The following GPSM1 variants were observed in gnomAD, a reference collection of about 807,000 sequenced individuals.
GPSM1 encodes the protein G protein-signaling modulator 1.
Under a neutral mutation model 70.5 loss-of-function variants are expected in GPSM1, and 48 were observed. The observed-to-expected ratio is 0.68, with a 90% CI of 0.54 to 0.87. The LOEUF (loss-of-function observed/expected upper bound fraction) is 0.87. GPSM1 is among the 40% of genes least tolerant of loss of function. GPSM1 has a pLI of 0.00. For synonymous variants in GPSM1, 416 were observed against 430.1 expected (o/e 0.97, Z 0.41); for missense variants, 981 against 972.6 (o/e 1.01, Z -0.11).
chr9:136,350,622 G>A (rs1271319601), intron 11 of GPSM1, among the ~76,000 whole-genome samples: 1 of 152,176 alleles, frequency 6.6e-6, no homozygotes, highest in African/African-American at 2.4e-5. Flanking sequence ...GGACAGCAAG[G>A]GGCTAGGTCC....
intron 9 of GPSM1, among the ~76,000 whole-genome samples, chr9:136,346,869 C>T (rs1409760875): frequency 3.3e-5 from 5 of 152,184 alleles, no homozygotes; most frequent in East Asian, 3.9e-4. Flanking sequence ...AGTGACTGCC[C>T]GCCTGAGCCG....
chr9:136,336,152 G>A lies in GPSM1; in HGVS notation c.426+51G>A, dbSNP rs149145691. 3.7e-3 allele frequency: 5,868 copies of A among 1,585,406 alleles called. 35 individuals carry two copies. Among genetic ancestry groups the A allele is most frequent in the Middle Eastern group, 0.023 (136 of 5,844 alleles). On this transcript the variant is annotated intron_variant, in intron 3 of 13. Coordinates refer to ENST00000440944, the MANE Select transcript of GPSM1 (RefSeq NM_001145638.3). ...GTCTCCCACCCCTGCACCGGCCTGCGTCCAGATCCGGGATAGGGGCGGGCG... is the reference window on the plus strand; with the variant it reads ...GTCTCCCACCCCTGCACCGGCCTGCATCCAGATCCGGGATAGGGGCGGGCG...
At chr9:136,352,732 C>T (rs1554772349) in intron 11 of GPSM1, among the ~76,000 whole-genome samples, 1 of 152,242 alleles carries the variant, frequency 6.6e-6, no homozygotes, top group African/African-American at 2.4e-5. Flanking sequence ...TGGCTTTCCC[C>T]ACCTGGCCCA....
At position 136,342,311 on chromosome 9, in the gene GPSM1, C is replaced by T. The variant is rs28507319; in HGVS notation, c.1207+1318C>T. On this transcript the variant is annotated intron_variant, in intron 9 of 13. Transcript: ENST00000440944. The surrounding 1 kb of genome is among the most constrained non-coding windows in gnomAD (Gnocchi z 5.5). ...CAACTGGCAGCAGGGCTGGGAGCAGCTCTGGAAAGGCTCCGCGGAGGCTGC... is the reference window on the plus strand; with the variant it reads ...CAACTGGCAGCAGGGCTGGGAGCAGTTCTGGAAAGGCTCCGCGGAGGCTGC... 0.13 allele frequency among the ~76,000 whole-genome samples: 20,514 copies of T among 152,072 alleles called. 1,471 individuals carry two copies. The highest frequency in any genetic ancestry group is 0.27 in the East Asian group (1,376 of 5,162).
At chr9:136,334,111 A>C (rs1004189662) in intron 1 of GPSM1, among the ~76,000 whole-genome samples, 1 of 152,168 alleles carries the variant, frequency 6.6e-6, no homozygotes, top group Admixed American at 6.5e-5. Flanking sequence ...GGGTGAAGGC[A>C]GGGTATGGGG....
intron 13 of GPSM1, 113 bp from the exon 14 acceptor site, chr9:136,357,901 C>T: frequency 1.3e-6 from 1 of 764,448 alleles, no homozygotes; most frequent in Non-Finnish European, 2.1e-6. Context: ...CCTGGGTGGA[C>T]AGGGGGAAGC....
chr9:136,335,400 G>C (rs76756452), intron 2 of GPSM1, among the ~76,000 whole-genome samples: 1 of 152,122 alleles, frequency 6.6e-6, no homozygotes, highest in Non-Finnish European at 1.5e-5. Flanking sequence ...CGTGCCTCAC[G>C]GGAGCACGCT....
intron 11 of GPSM1, among the ~76,000 whole-genome samples, chr9:136,354,582 G>A (rs991243790): frequency 5.9e-5 from 9 of 152,248 alleles, no homozygotes; most frequent in Non-Finnish European, 1.2e-4. Flanking sequence ...TGCCAGCGCC[G>A]GTCGGGAGGT....
chr9:136,327,889 C>G (rs979468344), intron 1 of GPSM1, 126 bp downstream of exon 1: 1 of 247,084 alleles, frequency 4.0e-6, no homozygotes, highest in South Asian at 1.6e-4. Context: ...GCTGAGGACG[C>G]GCCCCTCCCT....
At position 136,358,812 on chromosome 9, in the gene GPSM1, A is replaced by AG. The variant is rs1832917064; in HGVS notation, c.*594dup. The AG allele has an allele frequency of 6.4e-6, 1 of 156,634 alleles. No individual in the cohort carries two copies. Among genetic ancestry groups the AG allele is most frequent in the South Asian group, 2.0e-4 (1 of 5,106 alleles). 9.7% of individuals were successfully genotyped at this position (156,634 alleles called of 1,614,324 possible). A position where few individuals can be genotyped will look rare whatever the true frequency, so the allele number is the denominator to read the frequency against. Reference sequence around the variant, plus strand: ...AGACCAGGCTGCAGTGGCAGCCCTGAGGTGCCCCCCGCCGAGTCCCAGGGC... The same window carrying AG: ...AGACCAGGCTGCAGTGGCAGCCCTGAGGGTGCCCCCCGCCGAGTCCCAGGGC... On this transcript the variant is annotated 3_prime_UTR_variant, in exon 14 of 14. Transcript: ENST00000440944.
intron 3 of GPSM1, 61 bp from the exon 4 acceptor site, chr9:136,336,860 G>T (rs1832249741): frequency 6.8e-7 from 1 of 1,475,242 alleles, no homozygotes; most frequent in South Asian, 1.3e-5. Flanking sequence ...CGGTGTGCCG[G>T]CTCTGCACAT....
At chr9:136,339,558 T>C in intron 7 of GPSM1, 149 bp from the exon 8 acceptor site, 1 of 611,186 alleles carries the variant, frequency 1.6e-6, no homozygotes. Flanking sequence ...GGCATTATCC[T>C]GTCATCCGGC....
At chr9:136,327,839 C>T (rs28555257) in intron 1 of GPSM1, 76 bp downstream of exon 1, 21,560 of 500,700 alleles carry the variant, frequency 0.043, 700 homozygotes, top group African/African-American at 0.12. Flanking sequence ...GGGGAGGCTG[C>T]AGTTGGGAAC....
intron 9 of GPSM1, among the ~76,000 whole-genome samples, chr9:136,347,343 C>G (rs548197555): frequency 1.1e-4 from 16 of 152,200 alleles, no homozygotes; most frequent in African/African-American, 2.9e-4. Flanking sequence ...GTGCGCAGGG[C>G]TCCTGGGCAC....
At position 136,353,435 on chromosome 9, in the gene GPSM1, G is replaced by A. The variant is rs539404902; in HGVS notation, c.1456-2255G>A. On this transcript the variant is annotated intron_variant, in intron 11 of 13. Transcript: ENST00000440944. ...GTTCTACTGGGACATAAATGCAGGGGAAGGTGGCCTTGGGGCCCAGGGTCC... is the reference window on the plus strand; with the variant it reads ...GTTCTACTGGGACATAAATGCAGGGAAAGGTGGCCTTGGGGCCCAGGGTCC... Among the ~76,000 whole-genome samples the A allele has an allele frequency of 8.5e-5, 13 of 152,320 alleles. No homozygotes were observed. The East Asian group carries it at 2.5e-3, about 29-fold the overall frequency.
chr9:136,354,871 G>A (rs1160043488), intron 11 of GPSM1: 51 of 1,014,438 alleles, frequency 5.0e-5, no homozygotes, highest in Admixed American at 2.4e-4. Flanking sequence ...TGGGCACAGG[G>A]ACAGGAGGCA....
At chr9:136,357,991 C>T (rs1832884389) in intron 13 of GPSM1, 23 bp from the exon 14 acceptor site, 1 of 1,602,878 alleles carries the variant, frequency 6.2e-7, no homozygotes, top group South Asian at 1.1e-5. Flanking sequence ...GGTGAGGCCG[C>T]CAACTGCACT....
intron 11 of GPSM1, chr9:136,353,206 C>T (rs185858195): frequency 1.3e-5 from 9 of 669,254 alleles, no homozygotes; most frequent in South Asian, 6.6e-5. Context: ...AGGGAGCACA[C>T]GGGCCTCTGT....
rs1832437824 is a variant in GPSM1, at chr9:136,343,208, C to T, written c.1207+2215C>T. The stretch of plus-strand genomic sequence containing the variant: ...CCTGACAGCAACCAGCCCCCACCTC[C>T]CTGGCCAGAGGGCACAGGCCCGGGC... On this transcript the variant is annotated intron_variant, in intron 9 of 13. Transcript: ENST00000440944. This position sits in a 1 kb window ranked among gnomAD's most constrained non-coding sequence, Gnocchi z 6.0. 6.6e-6 allele frequency among the ~76,000 whole-genome samples: 1 copy of T among 152,194 alleles called. No homozygotes were observed. Among genetic ancestry groups the T allele is most frequent in the Non-Finnish European group, 1.5e-5 (1 of 68,036 alleles).
Sources: allele counts gnomAD v4.1 joint callset (sites outside exome capture counted in the v4.1 genomes callset), GRCh38; gene constraint gnomAD v4.1.1; non-coding constraint Gnocchi (gnomAD v3.1); transcripts MANE v1.5; gene names NCBI Gene and HGNC (gene_info 2026-07-23, HGNC 2026-07-21).